The following CDK19 variants were observed in gnomAD, a reference collection of about 807,000 sequenced individuals.
CDK19 encodes cyclin-dependent kinase 19.
In CDK19, 20 loss-of-function variants were observed where a neutral mutation model predicts 68.3. That is an observed-to-expected ratio of 0.29 (90% CI 0.21 to 0.43). CDK19 has a LOEUF of 0.43. Among genes scored for constraint, CDK19 ranks in the 20% least tolerant of loss-of-function variants. The pLI, the probability that CDK19 is intolerant of heterozygous loss-of-function variation, is 1.00. For synonymous variants in CDK19, 221 were observed against 222.8 expected (o/e 0.99, Z 0.07); for missense variants, 339 against 623.5 (o/e 0.54, Z 4.86).
At chr6:110,687,693 C>A (rs192288196) in intron 2 of CDK19, among the ~76,000 whole-genome samples, 17 of 152,240 alleles carry the variant, frequency 1.1e-4, no homozygotes, top group African/African-American at 3.9e-4. Flanking sequence ...AATGGTATTT[C>A]CACTAAGAGT....
chr6:110,792,565 G>A (rs150398677), intron 1 of CDK19, among the ~76,000 whole-genome samples: 35 of 152,214 alleles, frequency 2.3e-4, no homozygotes, highest in African/African-American at 7.0e-4. Flanking sequence ...GTGCCACCAC[G>A]CCCGGCTAAT....
chr6:110,700,209 C>T (rs927251654), intron 2 of CDK19, among the ~76,000 whole-genome samples: 12 of 152,166 alleles, frequency 7.9e-5, no homozygotes, highest in African/African-American at 2.9e-4. Flanking sequence ...TGCAGGAAAA[C>T]AAGTTCAGAG....
At chr6:110,651,291 T>C (rs2817763) in intron 4 of CDK19, among the ~76,000 whole-genome samples, 34,992 of 148,920 alleles carry the variant, frequency 0.23, 4,246 homozygotes, top group African/African-American at 0.33. Context: ...TATGTATCTG[T>C]CTGTCTAACT....
intron 1 of CDK19, among the ~76,000 whole-genome samples, chr6:110,791,356 A>T (rs1342507268): frequency 6.6e-6 from 1 of 152,142 alleles, no homozygotes; most frequent in Admixed American, 6.6e-5. Context: ...TACTCACAAG[A>T]ATAACTGCAT....
intron 1 of CDK19, among the ~76,000 whole-genome samples, chr6:110,786,962 A>G (rs1781267147): frequency 6.6e-6 from 1 of 152,128 alleles, no homozygotes; most frequent in African/African-American, 2.4e-5. Context: ...TTTGCACACA[A>G]TGGTACAATT....
chr6:110,681,660 G>A (rs946698342), intron 2 of CDK19, among the ~76,000 whole-genome samples: 4 of 152,106 alleles, frequency 2.6e-5, no homozygotes, highest in South Asian at 2.1e-4. Context: ...TTTTACCAAC[G>A]GACTTTAATC....
At position 110,626,823 on chromosome 6, in the gene CDK19, T is replaced by C; in HGVS notation, c.813A>G (p.Arg271=). 1 of 1,578,582 alleles carries C rather than the reference T, an allele frequency of 6.3e-7. No homozygotes were observed. Among genetic ancestry groups the C allele is most frequent in the South Asian group, 1.2e-5 (1 of 86,474 alleles). ...FPADKDWEDI[R]KMPEYPTLQK... ...GAAGTGTGGGATATTCTGGCATCTT[T>C]CTAATATCTTCCCAGTCTTTATCTT... Residue 271 remains arginine (R), a synonymous_variant, in exon 8 of 13, where the codon AGA becomes AGG. Transcript: ENST00000368911.
intron 4 of CDK19, among the ~76,000 whole-genome samples, chr6:110,657,149 C>A (rs1781354556): frequency 6.6e-6 from 1 of 152,154 alleles, no homozygotes; most frequent in South Asian, 2.1e-4. Context: ...TACAACTTGA[C>A]CAAGTTCACT....
At chr6:110,626,009 T>A (rs1779068215) in intron 8 of CDK19, among the ~76,000 whole-genome samples, 1 of 152,184 alleles carries the variant, frequency 6.6e-6, no homozygotes, top group Non-Finnish European at 1.5e-5. Context: ...GTAAATGCCT[T>A]CATCAGTTTG....
At chr6:110,676,675 A>G (rs1771564734) in intron 2 of CDK19, among the ~76,000 whole-genome samples, 1 of 152,218 alleles carries the variant, frequency 6.6e-6, no homozygotes, top group African/African-American at 2.4e-5. Flanking sequence ...TTAGATAATC[A>G]TTAGCACCTT....
intron 1 of CDK19, among the ~76,000 whole-genome samples, chr6:110,783,367 G>C (rs990300285): frequency 6.6e-6 from 1 of 152,178 alleles, no homozygotes; most frequent in Non-Finnish European, 1.5e-5. Flanking sequence ...GCTGGGTGCT[G>C]TGGCTCACAC....
intron 1 of CDK19, among the ~76,000 whole-genome samples, chr6:110,803,017 T>C (rs1328258087): frequency 6.6e-6 from 1 of 152,032 alleles, no homozygotes; most frequent in Non-Finnish European, 1.5e-5. Flanking sequence ...TGGTTAACAC[T>C]GGTTACCTCT....
At chr6:110,780,679 T>C (rs760863350) in intron 1 of CDK19, among the ~76,000 whole-genome samples, 1 of 152,086 alleles carries the variant, frequency 6.6e-6, no homozygotes, top group Non-Finnish European at 1.5e-5. Flanking sequence ...AACAAATATT[T>C]ATTGAGGATC....
chr6:110,780,529 T>A (rs746216936), intron 1 of CDK19, among the ~76,000 whole-genome samples: 19 of 152,094 alleles, frequency 1.2e-4, no homozygotes, highest in Non-Finnish European at 2.5e-4. Flanking sequence ...TACTTAAACT[T>A]CCTAACAAAA....
chr6:110,692,333 C>T (rs1773072025), intron 2 of CDK19, among the ~76,000 whole-genome samples: 1 of 149,776 alleles, frequency 6.7e-6, no homozygotes, highest in South Asian at 2.1e-4. Flanking sequence ...TACAGAATTA[C>T]AAAATGTAAT....
intron 4 of CDK19, chr6:110,645,768 G>A: frequency 1.8e-6 from 1 of 567,692 alleles, no homozygotes; most frequent in Admixed American, 2.3e-5. Flanking sequence ...GACAATGAGC[G>A]GCTGTTTTCC....
intron 2 of CDK19, among the ~76,000 whole-genome samples, chr6:110,720,057 T>A (rs911279044): frequency 2.1e-5 from 3 of 144,084 alleles, no homozygotes; most frequent in Non-Finnish European, 4.5e-5. Flanking sequence ...GCCATGGCAG[T>A]GGGTTTAACA....
chr6:110,718,630 T>A (rs1775585739), intron 2 of CDK19, among the ~76,000 whole-genome samples: 1 of 98,260 alleles, frequency 1.0e-5, no homozygotes, highest in African/African-American at 3.8e-5. Flanking sequence ...GGAGAAATCT[T>A]CAAAGTCCAA....
chr6:110,729,426 GTTGT>G (rs151030790), intron 2 of CDK19, among the ~76,000 whole-genome samples: 23,769 of 151,712 alleles, frequency 0.16, 2,025 homozygotes, highest in East Asian at 0.31. Context: ...ATGTTATTTT[GTTGT>G]TTGTTTATTT....
Sources: allele counts gnomAD v4.1 joint callset (sites outside exome capture counted in the v4.1 genomes callset), GRCh38; gene constraint gnomAD v4.1.1; transcripts MANE v1.5; gene names NCBI Gene and HGNC (gene_info 2026-07-23, HGNC 2026-07-21).